Variants in GPC5 observed in about 807,000 individuals in gnomAD.
GPC5 encodes glypican 5, also known as glypican-5.
A neutral mutation model predicts 53.9 loss-of-function variants in GPC5; 47 were observed. That is an observed-to-expected ratio of 0.87 (90% confidence interval 0.69 to 1.11). The LOEUF (loss-of-function observed/expected upper bound fraction) is 1.11, where lower values mean the gene tolerates loss of function less well. GPC5 is among the 50% of genes most tolerant of loss of function. GPC5 has a pLI of 0.00. For synonymous variants in GPC5, 286 were observed against 263.3 expected (o/e 1.09, Z -0.84); for missense variants, 748 against 713.1 (o/e 1.05, Z -0.56).
At chr13:91,719,592 T>A (rs1187839157) in intron 3 of GPC5, among the ~76,000 whole-genome samples, 1 of 152,234 alleles carries the variant, frequency 6.6e-6, no homozygotes, top group African/African-American at 2.4e-5. Context: ...ATTGACATGA[T>A]ATTCACAAAA....
At chr13:92,043,921 T>C (rs984107074) in intron 6 of GPC5, among the ~76,000 whole-genome samples, 7 of 152,224 alleles carry the variant, frequency 4.6e-5, no homozygotes, top group Admixed American at 2.0e-4. Flanking sequence ...ATAGGGTACA[T>C]ATGCAATTTG....
chr13:91,802,734 C>T (rs1245524270), intron 5 of GPC5, among the ~76,000 whole-genome samples: 4 of 152,098 alleles, frequency 2.6e-5, no homozygotes, highest in Admixed American at 2.0e-4. Flanking sequence ...CTTTCACTAG[C>T]ATGTGGTAGT....
rs10644468 is a variant in GPC5, at chr13:91,784,726, G to GAA, written c.1280+28317_1280+28318dup. On this transcript the variant is annotated intron_variant, in intron 5 of 7. Transcript: ENST00000377067. Reference sequence around the variant, plus strand: ...GCAACAAGAGCGAAACTCCATCTCAGAAAAAAAAAAAATGACCTATTTGAT... The same window carrying GAA: ...GCAACAAGAGCGAAACTCCATCTCAGAAAAAAAAAAAAAATGACCTATTTGAT... Among the ~76,000 whole-genome samples, 1,298 of 143,510 alleles carry GAA rather than the reference G, an allele frequency of 9.0e-3. 16 individuals carry two copies. The highest frequency in any genetic ancestry group is 0.014 in the Non-Finnish European group (913 of 66,780). The allele number at this position is 143,510 out of a possible 152,430, so 94.1% of individuals were successfully genotyped here.
intron 2 of GPC5, among the ~76,000 whole-genome samples, chr13:91,665,277 C>T (rs761478561): frequency 6.6e-6 from 1 of 152,156 alleles, no homozygotes; most frequent in Admixed American, 6.5e-5. Context: ...TCATTTTATA[C>T]TTAGTACTTC....
intron 6 of GPC5, among the ~76,000 whole-genome samples, chr13:92,088,706 C>A (rs2041354710): frequency 6.6e-6 from 1 of 152,122 alleles, no homozygotes; most frequent in African/African-American, 2.4e-5. Context: ...TATTGCGTCT[C>A]TGTGTATATA....
At chr13:92,488,522 G>A (rs1879643966) in intron 7 of GPC5, among the ~76,000 whole-genome samples, 1 of 152,170 alleles carries the variant, frequency 6.6e-6, no homozygotes, top group Admixed American at 6.5e-5. Context: ...CTGCTTAACT[G>A]CTGGCATTTT....
At chr13:92,321,646 T>TACAA (rs1555328003) in intron 7 of GPC5, among the ~76,000 whole-genome samples, 102 of 144,586 alleles carry the variant, frequency 7.1e-4, no homozygotes, top group African/African-American at 2.5e-3. Context: ...CATACATACA[T>TACAA]ACAATAGAAT....
At chr13:92,043,803 G>T (rs1433804504) in intron 6 of GPC5, among the ~76,000 whole-genome samples, 1 of 152,180 alleles carries the variant, frequency 6.6e-6, no homozygotes, top group Non-Finnish European at 1.5e-5. Context: ...AATTGATAGG[G>T]TAGGAGTGAA....
At chr13:91,485,877 G>A (rs1302003118) in intron 2 of GPC5, 1 of 152,182 alleles carries the variant, frequency 6.6e-6, no homozygotes, top group Non-Finnish European at 1.5e-5. Context: ...ACAGCAATTG[G>A]TTTGATTGAT....
intron 3 of GPC5, among the ~76,000 whole-genome samples, chr13:91,726,062 A>G (rs975988646): frequency 1.3e-5 from 2 of 152,166 alleles, no homozygotes; most frequent in African/African-American, 4.8e-5. Context: ...GTTGATGAAC[A>G]TACAGCGAAC....
chr13:91,982,652 A>G (rs575766229), intron 6 of GPC5, among the ~76,000 whole-genome samples: 71 of 152,298 alleles, frequency 4.7e-4, no homozygotes, highest in African/African-American at 1.7e-3. Context: ...ATTAGATACT[A>G]TTAGTGACAT....
intron 7 of GPC5, among the ~76,000 whole-genome samples, chr13:92,335,209 C>T (rs1323575722): frequency 6.6e-6 from 1 of 152,118 alleles, no homozygotes; most frequent in Non-Finnish European, 1.5e-5. Flanking sequence ...GGTGGAAGTT[C>T]CCAAACCTCA....
intron 2 of GPC5, among the ~76,000 whole-genome samples, chr13:91,579,808 G>C (rs1390308257): frequency 6.6e-6 from 1 of 151,110 alleles, no homozygotes; most frequent in Non-Finnish European, 1.5e-5. Context: ...TGTATTTTTA[G>C]TAAAGATGGG....
At chr13:92,507,675 G>T (rs907422215) in intron 7 of GPC5, among the ~76,000 whole-genome samples, 2 of 152,024 alleles carry the variant, frequency 1.3e-5, no homozygotes, top group African/African-American at 4.8e-5. Context: ...ATACCACTGA[G>T]AATTGAAAAT....
At chr13:91,855,965 C>A (rs916338005) in intron 5 of GPC5, among the ~76,000 whole-genome samples, 3 of 151,492 alleles carry the variant, frequency 2.0e-5, no homozygotes, top group Non-Finnish European at 4.4e-5. Flanking sequence ...CCTTTGTCCC[C>A]TTTCAGTCAT....
intron 2 of GPC5, among the ~76,000 whole-genome samples, chr13:91,503,043 T>A (rs771912356): frequency 6.6e-6 from 1 of 152,032 alleles, no homozygotes; most frequent in South Asian, 2.1e-4. Flanking sequence ...TAATGAAGTC[T>A]AGAAAAGAGA....
intron 5 of GPC5, among the ~76,000 whole-genome samples, chr13:91,824,917 A>G (rs2038552539): frequency 6.6e-6 from 1 of 152,072 alleles, no homozygotes; most frequent in African/African-American, 2.4e-5. Context: ...TCTGACTGCA[A>G]TTTTATGTTA....
intron 7 of GPC5, among the ~76,000 whole-genome samples, chr13:92,176,016 C>A (rs1449013718): frequency 6.6e-6 from 1 of 152,144 alleles, no homozygotes; most frequent in Non-Finnish European, 1.5e-5. Flanking sequence ...ACATGCTTTA[C>A]CATTATCATG....
chr13:92,510,256 ACT>A (rs1346670137), intron 7 of GPC5, among the ~76,000 whole-genome samples: 1 of 152,108 alleles, frequency 6.6e-6, no homozygotes, highest in African/African-American at 2.4e-5. Context: ...CTTAGAGATA[ACT>A]CAGCTTCATC....
Sources: allele counts gnomAD v4.1 joint callset (sites outside exome capture counted in the v4.1 genomes callset), GRCh38; gene constraint gnomAD v4.1.1; transcripts MANE v1.5; gene names NCBI Gene and HGNC (gene_info 2026-07-23, HGNC 2026-07-21).